NDUFAF7: variants seen among roughly 807,000 people sequenced by gnomAD.
NDUFAF7 encodes protein arginine methyltransferase NDUFAF7, mitochondrial.
In NDUFAF7, 48 loss-of-function variants were observed where a neutral mutation model predicts 47.2. That is an observed-to-expected ratio of 1.02 (90% CI 0.81 to 1.29). NDUFAF7 has a LOEUF of 1.29. Among genes scored for constraint, NDUFAF7 ranks in the 50% most tolerant of loss-of-function variants. The probability of loss-of-function intolerance (pLI) is 0.00; values close to 1 mark genes in which losing one functional copy is unlikely to be tolerated. For missense variants in NDUFAF7, 635 were observed against 537.6 expected, an observed-to-expected ratio of 1.18 and a Z score of -1.79; for synonymous variants, 217 against 190.0, an observed-to-expected ratio of 1.14 and a Z score of -1.17.
chr2:37,235,951 C>G (rs1312884343), intron 2 of NDUFAF7, 145 bp from the exon 3 acceptor site: 1 of 699,776 alleles, frequency 1.4e-6, no homozygotes, highest in Non-Finnish European at 2.5e-6. Context: ...AGCCACCACA[C>G]CTGGCTCCCC....
intron 2 of NDUFAF7, among the ~76,000 whole-genome samples, chr2:37,233,744 G>A (rs1665456161): frequency 6.6e-6 from 1 of 152,116 alleles, no homozygotes; most frequent in Non-Finnish European, 1.5e-5. Flanking sequence ...AGAACATACT[G>A]AGAGAAAGGA....
chr2:37,256,046 GTTT>G (rs531648338), downstream of NDUFAF7, among the ~76,000 whole-genome samples: 1 of 152,112 alleles, frequency 6.6e-6, no homozygotes, highest in Non-Finnish European at 1.5e-5. Flanking sequence ...AAGCCCAAAT[GTTT>G]TTTAGCCTAA....
intron 6 of NDUFAF7, 91 bp from the exon 7 acceptor site, chr2:37,243,772 T>C (rs1666613816): frequency 1.1e-6 from 1 of 870,644 alleles, no homozygotes; most frequent in Non-Finnish European, 1.9e-6. Flanking sequence ...GTTAGTTACT[T>C]ATGGTAAGAG....
chr2:37,264,205 A>T, the NDUFAF7 span, among the ~76,000 whole-genome samples: 1 of 152,202 alleles, frequency 6.6e-6, no homozygotes, highest in African/African-American at 2.4e-5. Context: ...CTGTATATAG[A>T]CATACATAAT....
Position 37,238,157 on chromosome 2 carries a change from A to C in NDUFAF7, c.408+290A>C, listed in dbSNP as rs1300347726. Reference sequence around the variant, plus strand: ...AAGTTGTTAATTATATTAAAAGTTTAGGCCAGGCATGGTGGCTCAATCCTA... The same window carrying C: ...AAGTTGTTAATTATATTAAAAGTTTCGGCCAGGCATGGTGGCTCAATCCTA... On this transcript the variant is annotated intron_variant, in intron 4 of 9. Transcript: ENST00000002125. Among the ~76,000 whole-genome samples the C allele has an allele frequency of 2.0e-5, 3 of 152,196 alleles. No individual in the cohort carries two copies. In the East Asian group the frequency reaches 5.8e-4, roughly 29 times the overall value.
At chr2:37,240,946 A>G (rs1453226512) in intron 4 of NDUFAF7, among the ~76,000 whole-genome samples, 1 of 152,230 alleles carries the variant, frequency 6.6e-6, no homozygotes, top group African/African-American at 2.4e-5. Flanking sequence ...CAAAAGTATT[A>G]ATTGGAGGCA....
At chr2:37,256,706 G>A (rs1235646184), downstream of NDUFAF7, 1 of 1,568,596 alleles carries the variant, frequency 6.4e-7, no homozygotes, top group African/African-American at 1.5e-5. Context: ...GTACATAAAT[G>A]CAGCATTTTG....
the NDUFAF7 span, chr2:37,268,391 G>A: frequency 2.1e-6 from 1 of 469,962 alleles, no homozygotes; most frequent in African/African-American, 2.0e-5. Context: ...GCAAACCATA[G>A]ATATTATATA....
At position 37,243,901 on chromosome 2, in the gene NDUFAF7, T is replaced by G. The variant is rs1366953883; in HGVS notation, c.720T>G (p.Ile240Met). The part of the protein sequence containing the change: ...PQGWREVFVD[I>M]DPQVSDKLRF... ...GATGGCGAGAAGTATTTGTTGACAT[T>G]GATCCACAGGTTTCTGATAAACTGA... Residue 240 changes from isoleucine to methionine, a missense_variant, in exon 7 of 10, where the codon ATT (isoleucine) becomes ATG (methionine). Coordinates refer to ENST00000002125, the MANE Select transcript of NDUFAF7 (RefSeq NM_144736.5). The G allele has an allele frequency of 1.9e-6, 3 of 1,614,122 alleles. No homozygotes were observed. Among genetic ancestry groups the G allele is most frequent in the South Asian group, 2.2e-5 (2 of 91,084 alleles).
chr2:37,242,837 T>A, intron 6 of NDUFAF7, 144 bp downstream of exon 6: 5 of 617,390 alleles, frequency 8.1e-6, no homozygotes, highest in Middle Eastern at 3.8e-4. Context: ...ACACAAATAA[T>A]TCAAAAGCAA....
At chr2:37,259,291 C>G in the NDUFAF7 span, among the ~76,000 whole-genome samples, 2 of 152,204 alleles carry the variant, frequency 1.3e-5, no homozygotes, top group Non-Finnish European at 2.9e-5. Flanking sequence ...TCCTAAGTAC[C>G]ATGCACCAAC....
At chr2:37,258,478 G>C in the NDUFAF7 span, among the ~76,000 whole-genome samples, 1 of 152,212 alleles carries the variant, frequency 6.6e-6, no homozygotes, top group East Asian at 1.9e-4. Context: ...CATAAAAAGC[G>C]TATCAAGTAA....
chr2:37,253,870 T>A (rs1440394374), downstream of NDUFAF7, among the ~76,000 whole-genome samples: 6 of 152,198 alleles, frequency 3.9e-5, no homozygotes, highest in African/African-American at 7.2e-5. Flanking sequence ...CCAAACATTT[T>A]TAAAAAATCT....
downstream of NDUFAF7, among the ~76,000 whole-genome samples, chr2:37,249,440 G>T (rs1042781430): frequency 5.3e-5 from 8 of 151,960 alleles, no homozygotes; most frequent in African/African-American, 1.9e-4. Context: ...AGCCTGGTGT[G>T]GTGGTGGGCG....
chr2:37,259,727 G>GGTTTACTTGTGA, the NDUFAF7 span: 1 of 1,355,286 alleles, frequency 7.4e-7, no homozygotes, highest in Non-Finnish European at 1.1e-6. Flanking sequence ...AAAATCACAA[G>GGTTTACTTGTGA]TAAACCTCAT....
the NDUFAF7 span, among the ~76,000 whole-genome samples, chr2:37,263,744 C>G: frequency 1.3e-5 from 2 of 152,188 alleles, no homozygotes; most frequent in Non-Finnish European, 2.9e-5. Flanking sequence ...TCAGCAAAAA[C>G]AGTTGTGTTG....
intron 1 of NDUFAF7, 125 bp downstream of exon 1, chr2:37,231,885 C>G (rs571498524): frequency 9.5e-6 from 15 of 1,581,022 alleles, no homozygotes; most frequent in Non-Finnish European, 1.2e-5. Context: ...TGAAGGTACC[C>G]TGGGCTGGAA....
chr2:37,239,409 G>T (rs189210810), intron 4 of NDUFAF7, among the ~76,000 whole-genome samples: 2 of 152,064 alleles, frequency 1.3e-5, no homozygotes, highest in East Asian at 3.9e-4. Context: ...ATGAGCCCCC[G>T]TACCCAGCCT....
At chr2:37,233,834 G>A (rs552305923) in intron 2 of NDUFAF7, among the ~76,000 whole-genome samples, 4 of 151,970 alleles carry the variant, frequency 2.6e-5, no homozygotes, top group Non-Finnish European at 5.9e-5. Flanking sequence ...AGAAATCAGG[G>A]GTTTCATGAA....
Sources: allele counts gnomAD v4.1 joint callset (sites outside exome capture counted in the v4.1 genomes callset), GRCh38; gene constraint gnomAD v4.1.1; transcripts MANE v1.5; gene names NCBI Gene and HGNC (gene_info 2026-07-23, HGNC 2026-07-21).